The following SCAPER variants were observed in gnomAD, a reference collection of about 807,000 sequenced individuals.
The protein encoded by SCAPER is S phase cyclin A-associated protein in the endoplasmic reticulum.
SCAPER carries 98 observed loss-of-function variants against 182.2 expected under a neutral mutation model. The ratio of observed to expected loss-of-function variants is 0.54; its 90% CI spans 0.46 to 0.64. The LOEUF is 0.64. Among genes scored for constraint, SCAPER ranks in the 30% least tolerant of loss-of-function variants. The pLI is 0.00. For synonymous variants in SCAPER, 605 were observed against 564.6 expected (o/e 1.07, Z -1.01); for missense variants, 1,432 against 1,690.0 (o/e 0.85, Z 2.68).
At chr15:76,731,659 T>C (rs1315157650) in intron 16 of SCAPER, among the ~76,000 whole-genome samples, 1 of 152,234 alleles carries the variant, frequency 6.6e-6, no homozygotes, top group African/African-American at 2.4e-5. Flanking sequence ...ACATGTTATC[T>C]ACCAGTGGAT....
chr15:76,765,581 C>T lies in SCAPER; in HGVS notation c.1477G>A (p.Val493Ile). The T allele has an allele frequency of 6.3e-7, 1 of 1,593,716 alleles. No homozygotes were observed. Among genetic ancestry groups the T allele is most frequent in the East Asian group, 2.3e-5 (1 of 44,184 alleles). Residue 493 changes from valine (V) to isoleucine (I), a missense_variant, in exon 12 of 32, where the codon GTC becomes ATC. By Grantham distance (29) the Val-to-Ile change is conservative. This residue lies in a region of SCAPER where 128 missense variants were observed against 149.9 expected (regional missense o/e 0.85). Coordinates refer to ENST00000563290, the MANE Select transcript of SCAPER (RefSeq NM_020843.4). Reference sequence around the variant, plus strand: ...ACAATACCTTCATAATCTGCAAGGACATCGTTCCAGTCCATGGACATACCA... The same window carrying T: ...ACAATACCTTCATAATCTGCAAGGATATCGTTCCAGTCCATGGACATACCA... ...FCGMSMDWND[V>I]LADYEARESW...
chr15:76,899,005 A>G (rs2074592122), intron 1 of SCAPER, among the ~76,000 whole-genome samples: 1 of 152,222 alleles, frequency 6.6e-6, no homozygotes, highest in South Asian at 2.1e-4. Flanking sequence ...TTCAGTTACT[A>G]CCTTCATGAT....
rs950895915 is a variant in SCAPER, at chr15:76,564,878, T to G, written c.2838+9280A>C. The stretch of plus-strand genomic sequence containing the variant: ...AGAAATAAGGCCACACACCTACAAC[T>G]ATCTGATCTTCGACAAACCTGACAA... On this transcript the variant is annotated intron_variant, in intron 23 of 31. Coordinates refer to ENST00000563290, the MANE Select transcript of SCAPER (RefSeq NM_020843.4). Among the ~76,000 whole-genome samples the G allele has an allele frequency of 4.6e-5, 7 of 151,968 alleles. No individual in the cohort carries two copies. In the East Asian group the frequency reaches 1.4e-3, roughly 29 times the overall value.
rs79800809 is a variant in SCAPER, at chr15:76,560,065, T to A, written c.2838+14093A>T. Among the ~76,000 whole-genome samples the A allele has an allele frequency of 5.7e-3, 869 of 152,276 alleles. 8 individuals are homozygous for A. The highest frequency in any genetic ancestry group is 0.02 in the African/African-American group (832 of 41,560). ...GGTGTCATTCCCACTGAGTTTTATT[T>A]TTTTTTTTCTTATTAGCTTTCTGCT... On this transcript the variant is annotated intron_variant, in intron 23 of 31. Transcript: ENST00000563290.
In SCAPER at chr15:76,848,547, G is replaced by C. The variant is rs148331728; in HGVS notation, c.196-6616C>G. Among the ~76,000 whole-genome samples, 123 of 145,914 alleles carry C rather than the reference G, an allele frequency of 8.4e-4. 1 individual carries two copies. The highest frequency in any genetic ancestry group is 2.9e-3 in the African/African-American group (115 of 39,370). ...GATGGGGTTTCACCGTGTTAGCCAGGATGGTCTCGATCTCCTGACCTCGCG... is the reference window on the plus strand; with the variant it reads ...GATGGGGTTTCACCGTGTTAGCCAGCATGGTCTCGATCTCCTGACCTCGCG... On this transcript the variant is annotated intron_variant, in intron 4 of 31. Transcript: ENST00000563290.
intron 5 of SCAPER, among the ~76,000 whole-genome samples, chr15:76,826,893 G>A (rs1424645558): frequency 6.6e-6 from 1 of 152,116 alleles, no homozygotes; most frequent in Non-Finnish European, 1.5e-5. Flanking sequence ...CTTCCCATCA[G>A]TAAGATAAAA....
At chr15:76,625,125 T>C (rs1424397663) in intron 21 of SCAPER, among the ~76,000 whole-genome samples, 1 of 152,054 alleles carries the variant, frequency 6.6e-6, no homozygotes, top group East Asian at 1.9e-4. Context: ...CTGGGCAACA[T>C]GCTTGGTTAC....
intron 17 of SCAPER, among the ~76,000 whole-genome samples, chr15:76,706,378 T>A (rs1350547477): frequency 2.6e-5 from 4 of 152,078 alleles, no homozygotes; most frequent in Non-Finnish European, 4.4e-5. Context: ...ACATCAATAT[T>A]TCAAAAGCTG....
intron 6 of SCAPER, 53 bp downstream of exon 6, chr15:76,804,480 T>C (rs1394912420): frequency 1.1e-5 from 13 of 1,186,574 alleles, no homozygotes; most frequent in East Asian, 2.4e-5. Context: ...GTTTCAGTGA[T>C]TGCTATTGAA....
At chr15:76,567,716 T>C (rs1463564661) in intron 23 of SCAPER, among the ~76,000 whole-genome samples, 1 of 152,188 alleles carries the variant, frequency 6.6e-6, no homozygotes, top group Non-Finnish European at 1.5e-5. Flanking sequence ...ACTGGTTTAG[T>C]TTGTTTTTGC....
intron 20 of SCAPER, among the ~76,000 whole-genome samples, chr15:76,699,530 T>C (rs1440207220): frequency 1.3e-5 from 2 of 152,206 alleles, no homozygotes; most frequent in African/African-American, 2.4e-5. Context: ...TTTGTTTTTA[T>C]ATTCTTTGAT....
At chr15:76,544,352 T>C (rs2045051795) in intron 23 of SCAPER, among the ~76,000 whole-genome samples, 1 of 152,176 alleles carries the variant, frequency 6.6e-6, no homozygotes, top group Non-Finnish European at 1.5e-5. Flanking sequence ...ATATAAAAAT[T>C]TGTACATGAG....
chr15:76,443,133 A>C (rs2047733560), intron 25 of SCAPER, among the ~76,000 whole-genome samples: 1 of 152,198 alleles, frequency 6.6e-6, no homozygotes, highest in East Asian at 1.9e-4. Flanking sequence ...TGGAAAGCCT[A>C]AAGTTGATTA....
At chr15:76,396,507 GT>G (rs1049864063) in intron 27 of SCAPER, among the ~76,000 whole-genome samples, 1 of 152,068 alleles carries the variant, frequency 6.6e-6, no homozygotes, top group Non-Finnish European at 1.5e-5. Context: ...TTTCATCAAT[GT>G]TTTATAGTTT....
chr15:76,421,939 T>C (rs2046076015), intron 26 of SCAPER, among the ~76,000 whole-genome samples: 2 of 152,178 alleles, frequency 1.3e-5, no homozygotes, highest in South Asian at 4.1e-4. Flanking sequence ...TGTAGATGTG[T>C]GTTATTATTT....
intron 26 of SCAPER, among the ~76,000 whole-genome samples, chr15:76,410,871 C>A (rs916602430): frequency 1.7e-5 from 2 of 121,002 alleles, no homozygotes; most frequent in Non-Finnish European, 4.1e-5. Flanking sequence ...CTATCCTTCA[C>A]ATCTCTTGTC....
At chr15:76,475,413 G>A (rs1360436591) in intron 24 of SCAPER, among the ~76,000 whole-genome samples, 2 of 151,514 alleles carry the variant, frequency 1.3e-5, no homozygotes, top group South Asian at 2.1e-4. Context: ...TGCAACCTCC[G>A]CCTCTTGGGT....
intron 24 of SCAPER, among the ~76,000 whole-genome samples, chr15:76,478,836 C>T (rs914259843): frequency 2.6e-5 from 4 of 151,968 alleles, no homozygotes; most frequent in African/African-American, 4.8e-5. Context: ...AAAAATATTT[C>T]GGGGTATTAA....
chr15:76,881,291 T>G (rs138125575), intron 2 of SCAPER, among the ~76,000 whole-genome samples: 380 of 152,328 alleles, frequency 2.5e-3, no homozygotes, highest in Middle Eastern at 6.8e-3. Flanking sequence ...AGCCAGGGTT[T>G]CGCCATGTTG....
Sources: allele counts gnomAD v4.1 joint callset (sites outside exome capture counted in the v4.1 genomes callset), GRCh38; gene constraint gnomAD v4.1.1; regional missense constraint gnomAD v4.1.1; transcripts MANE v1.5; gene names NCBI Gene and HGNC (gene_info 2026-07-23, HGNC 2026-07-21).